The following DNAH9 variants were observed in gnomAD, a reference collection of about 807,000 sequenced individuals.
DNAH9 encodes the protein DNAH9 variant protein.
Under a neutral mutation model 471.6 loss-of-function variants are expected in DNAH9, and 345 were observed. That is an observed-to-expected ratio of 0.73 (90% CI 0.67 to 0.80). DNAH9 has a LOEUF of 0.80. DNAH9 is among the 30% of genes least tolerant of loss of function. DNAH9 has a pLI of 0.00. For missense variants in DNAH9, 5,407 were observed against 5,609.2 expected (o/e 0.96, Z 1.15); for synonymous variants, 2,093 against 2,123.6 (o/e 0.99, Z 0.40).
At chr17:11,629,319 A>G (rs996491514) in intron 6 of DNAH9, 98 bp from the exon 7 acceptor site, 20 of 948,108 alleles carry the variant, frequency 2.1e-5, no homozygotes, top group Admixed American at 1.0e-4. Context: ...TCACTGTTCA[A>G]TTCCCACCTA....
intron 26 of DNAH9, among the ~76,000 whole-genome samples, chr17:11,716,450 C>T (rs2074965693): frequency 6.6e-6 from 1 of 151,988 alleles, no homozygotes; most frequent in East Asian, 1.9e-4. Context: ...TTCAAACTCA[C>T]CAGACTGTCC....
At chr17:11,901,727 C>G (rs1973424062) in intron 59 of DNAH9, among the ~76,000 whole-genome samples, 1 of 152,114 alleles carries the variant, frequency 6.6e-6, no homozygotes. Context: ...CACGCTAACA[C>G]TAATGATAGT....
At chr17:11,617,665 G>T in intron 5 of DNAH9, 43 bp downstream of exon 5, 2 of 1,446,268 alleles carry the variant, frequency 1.4e-6, no homozygotes, top group Non-Finnish European at 1.9e-6. Context: ...CCTGGGGGCT[G>T]GTTGGCATCT....
At chr17:11,682,853 T>C (rs1328539610) in intron 19 of DNAH9, among the ~76,000 whole-genome samples, 1 of 152,310 alleles carries the variant, frequency 6.6e-6, no homozygotes, top group East Asian at 1.9e-4. Context: ...TGAGGAGGAA[T>C]GTAACTCCTA....
intron 26 of DNAH9, among the ~76,000 whole-genome samples, chr17:11,708,014 C>CACACACAG (rs1695492180): frequency 1.9e-5 from 1 of 52,214 alleles, no homozygotes; most frequent in African/African-American, 7.2e-5. Context: ...CACACACACA[C>CACACACAG]AGAGAGAGAG....
At chr17:11,643,516 T>TACACACA (rs2073318647) in intron 10 of DNAH9, among the ~76,000 whole-genome samples, 1 of 152,238 alleles carries the variant, frequency 6.6e-6, no homozygotes, top group Non-Finnish European at 1.5e-5. Context: ...ATGTATTACT[T>TACACACA]CACAATGGGG....
chr17:11,619,590 G>A lies in DNAH9; in HGVS notation c.1159G>A (p.Val387Ile). Residue 387 changes from valine (V) to isoleucine (I), a missense_variant, in exon 6 of 69, where the codon GTA (valine) becomes ATA (isoleucine). By Grantham distance (29) the Val-to-Ile change is conservative. Coordinates refer to ENST00000262442, the MANE Select transcript of DNAH9 (RefSeq NM_001372.4). ...CCCAGAAGACCTGCTGAGAAGTGAG[G>A]TAGAAGAAAGTCAGAGAAAACTGCA... ...LSPEDLLRSE[V>I]EESQRKLQVV... 2.5e-6 allele frequency: 4 copies of A among 1,614,098 alleles called. No homozygotes were observed. The highest frequency in any genetic ancestry group is 3.4e-6 in the Non-Finnish European group (4 of 1,179,940).
chr17:11,663,074 G>C (rs1294059578), intron 14 of DNAH9, among the ~76,000 whole-genome samples: 1 of 152,134 alleles, frequency 6.6e-6, no homozygotes, highest in Non-Finnish European at 1.5e-5. Context: ...CTTTTTAAGG[G>C]TCTAAAGAGG....
intron 67 of DNAH9, among the ~76,000 whole-genome samples, chr17:11,945,635 G>C (rs1424529149): frequency 2.0e-5 from 3 of 152,156 alleles, no homozygotes; most frequent in East Asian, 3.9e-4. Flanking sequence ...TATTGGAGGT[G>C]GCAAAAGGTG....
rs373462131 is a variant in DNAH9 at position 11,961,824 on chromosome 17, T to A, written c.12844-43T>A. ...CTGAGGCCAGGTGTTTTCAGGGACTTCCCACCTTCTCACGCTTTCCCCCTC... is the reference window on the plus strand; with the variant it reads ...CTGAGGCCAGGTGTTTTCAGGGACTACCCACCTTCTCACGCTTTCCCCCTC... On this transcript the variant is annotated intron_variant, in intron 67 of 68. Transcript: ENST00000262442. The A allele has an allele frequency of 3.2e-6, 5 of 1,551,146 alleles. No homozygotes were observed. In the African/African-American group the frequency reaches 6.8e-5, roughly 21 times the overall value.
chr17:11,685,524 A>G (rs889145708), intron 19 of DNAH9, among the ~76,000 whole-genome samples: 6 of 152,186 alleles, frequency 3.9e-5, no homozygotes, highest in Admixed American at 6.5e-5. Flanking sequence ...CAGGTGCTCA[A>G]TGGGAGAGTG....
chr17:11,846,461 G>T (rs1156492210), intron 49 of DNAH9, among the ~76,000 whole-genome samples: 2,098 of 150,510 alleles, frequency 0.014, 44 homozygotes, highest in African/African-American at 0.049. Context: ...TGTTCTTTTG[G>T]CTTAGGATTG....
At chr17:11,681,869 G>A (rs2074139344) in intron 19 of DNAH9, among the ~76,000 whole-genome samples, 1 of 152,096 alleles carries the variant, frequency 6.6e-6, no homozygotes, top group African/African-American at 2.4e-5. Flanking sequence ...CTAATTTCAG[G>A]TCTTCTACTT....
chr17:11,645,622 A>G (rs542605346), intron 11 of DNAH9, among the ~76,000 whole-genome samples: 55 of 152,258 alleles, frequency 3.6e-4, no homozygotes, highest in Middle Eastern at 6.8e-3. Flanking sequence ...CACCACCTCC[A>G]GCCTCTGCCA....
At chr17:11,669,884 T>C (rs1337190658) in intron 17 of DNAH9, 90 bp downstream of exon 17, 2 of 1,125,020 alleles carry the variant, frequency 1.8e-6, no homozygotes, top group East Asian at 2.4e-5. Flanking sequence ...TCCCCATGGG[T>C]ATGTTGGTTA....
intron 14 of DNAH9, among the ~76,000 whole-genome samples, chr17:11,664,513 A>G (rs1295370163): frequency 1.3e-5 from 2 of 152,148 alleles, no homozygotes; most frequent in Admixed American, 1.3e-4. Context: ...CCCTGATGCA[A>G]CTTCCTCCAC....
At chr17:11,753,307 T>C (rs1418407251) in intron 33 of DNAH9, among the ~76,000 whole-genome samples, 3 of 152,232 alleles carry the variant, frequency 2.0e-5, no homozygotes, top group Non-Finnish European at 4.4e-5. Context: ...ATAAGGATAT[T>C]GAAGATCAGA....
chr17:11,680,035 C>A, intron 18 of DNAH9, 56 bp downstream of exon 18: 1 of 1,419,144 alleles, frequency 7.0e-7, no homozygotes, highest in Non-Finnish European at 9.9e-7. Flanking sequence ...TTTAGGATTT[C>A]AGAATGGGGT....
intron 49 of DNAH9, among the ~76,000 whole-genome samples, chr17:11,845,155 C>T (rs527272229): frequency 1.4e-5 from 2 of 146,290 alleles, no homozygotes; most frequent in African/African-American, 5.2e-5. Context: ...TTCCTCCCCC[C>T]TCCCCCGACC....
Sources: allele counts gnomAD v4.1 joint callset (sites outside exome capture counted in the v4.1 genomes callset), GRCh38; gene constraint gnomAD v4.1.1; transcripts MANE v1.5; gene names NCBI Gene and HGNC (gene_info 2026-07-23, HGNC 2026-07-21).